VPS26A: variants seen among roughly 807,000 people sequenced by gnomAD.
VPS26A encodes the protein vacuolar protein sorting-associated protein 26A.
In VPS26A, 22 loss-of-function variants were observed where a neutral mutation model predicts 42.4. The ratio of observed to expected loss-of-function variants is 0.52; its 90% CI spans 0.37 to 0.74. VPS26A has a LOEUF of 0.74. VPS26A is among the 30% of genes least tolerant of loss of function. The pLI is 0.00. For synonymous variants in VPS26A, 110 were observed against 123.5 expected (o/e 0.89, Z 0.73); for missense variants, 276 against 379.2 (o/e 0.73, Z 2.26).
chr10:69,150,689 G>A (rs1028770149), intron 2 of VPS26A, among the ~76,000 whole-genome samples: 14 of 152,154 alleles, frequency 9.2e-5, no homozygotes, highest in Non-Finnish European at 1.5e-4. Context: ...GAGCCACCGC[G>A]CCCGGCAGAG....
intron 2 of VPS26A, among the ~76,000 whole-genome samples, chr10:69,151,282 A>AAAAAAAAAAAAAAAAAAAAAAAAAAAAAC (rs71035063): frequency 7.3e-6 from 1 of 136,776 alleles, no homozygotes; most frequent in African/African-American, 3.3e-5. Context: ...AAAAAAAAAA[A>AAAAAAAAAAAAAAAAAAAAAAAAAAAAAC]ACACACACAC....
intron 7 of VPS26A, 87 bp downstream of exon 7, chr10:69,166,197 A>G: frequency 1.6e-6 from 2 of 1,239,670 alleles, no homozygotes; most frequent in Non-Finnish European, 2.3e-6. Flanking sequence ...GTGTGAAAGT[A>G]TCTTTGAATT....
intron 2 of VPS26A, among the ~76,000 whole-genome samples, chr10:69,140,241 A>AT (rs1167071425): frequency 5.4e-4 from 82 of 152,064 alleles, no homozygotes; most frequent in African/African-American, 1.8e-3. Context: ...CTAATTAAAA[A>AT]ATATATATTT....
chr10:69,157,724 GAACTGGGTTTGAC>G (rs901053297), intron 4 of VPS26A, among the ~76,000 whole-genome samples: 7 of 152,144 alleles, frequency 4.6e-5, no homozygotes, highest in Non-Finnish European at 1.0e-4. Context: ...TATCTATCTG[GAACTGGGTTTGAC>G]AACCCAAATT....
intron 2 of VPS26A, among the ~76,000 whole-genome samples, chr10:69,143,177 G>A (rs1044582253): frequency 6.6e-6 from 1 of 152,180 alleles, no homozygotes; most frequent in African/African-American, 2.4e-5. Flanking sequence ...CACCAATCTA[G>A]GGTTTGTGAA....
chr10:69,169,040 T>C (rs1841756050), intron 8 of VPS26A, among the ~76,000 whole-genome samples: 1 of 151,872 alleles, frequency 6.6e-6, no homozygotes, highest in Non-Finnish European at 1.5e-5. Flanking sequence ...TTTTTTTTTT[T>C]TCTTACTGTT....
rs1463364065 is a variant in VPS26A at position 69,174,287 on chromosome 10, A to C, written c.*3018A>C. 6.6e-6 allele frequency among the ~76,000 whole-genome samples: 1 copy of C among 152,224 alleles called. No individual in the cohort carries two copies. The highest frequency in any genetic ancestry group is 1.5e-5 in the Non-Finnish European group (1 of 68,040). On this transcript the variant is annotated 3_prime_UTR_variant, in exon 9 of 9. Coordinates refer to ENST00000263559, the MANE Select transcript of VPS26A (RefSeq NM_004896.5). ...GACACACCTTGAGTACACGAATTTG[A>C]AATTACACTGAGGTGATCATGCCAC...
At position 69,171,326 on chromosome 10, in the gene VPS26A, TC is replaced by T. The variant is rs1363327528; in HGVS notation, c.*58del. ...ACTCCTGTAACCCTTGAGATTAAGT[TC>T]AGCAGGTTAAAGATGGTTGCAGCTG... On this transcript the variant is annotated 3_prime_UTR_variant, in exon 9 of 9. Coordinates refer to ENST00000263559, the MANE Select transcript of VPS26A (RefSeq NM_004896.5). 6.5e-7 allele frequency: 1 copy of T among 1,526,748 alleles called. No homozygotes were observed. Among genetic ancestry groups the T allele is most frequent in the Non-Finnish European group, 8.9e-7 (1 of 1,119,700 alleles). The allele number at this position is 1,526,748 out of a possible 1,614,324, so 94.6% of individuals were successfully genotyped here.
At chr10:69,138,848 C>A (rs1033916832) in intron 2 of VPS26A, among the ~76,000 whole-genome samples, 1 of 152,118 alleles carries the variant, frequency 6.6e-6, no homozygotes, top group South Asian at 2.1e-4. Flanking sequence ...TACTCAATAT[C>A]TTTACCCCAC....
chr10:69,171,430 T>C lies in VPS26A; in HGVS notation c.*161T>C, dbSNP rs1841813228. ...ACAGCGCAGCATTTATTTTATGATA[T>C]AATGAAATGTTCGTTCATGTATATA... On this transcript the variant is annotated 3_prime_UTR_variant, in exon 9 of 9. Coordinates refer to ENST00000263559, the MANE Select transcript of VPS26A (RefSeq NM_004896.5). 1 of 561,312 alleles carries C rather than the reference T, an allele frequency of 1.8e-6. No homozygotes were observed. The highest frequency in any genetic ancestry group is 3.1e-6 in the Non-Finnish European group (1 of 325,878). The allele number at this position is 561,312 out of a possible 1,614,324, so 34.8% of individuals were successfully genotyped here.
At chr10:69,139,240 C>T (rs923211859) in intron 2 of VPS26A, among the ~76,000 whole-genome samples, 5 of 152,084 alleles carry the variant, frequency 3.3e-5, no homozygotes, top group African/African-American at 9.7e-5. Context: ...GTCCTTTACA[C>T]TTAAAAGTTA....
chr10:69,131,716 G>C (rs1840782874), intron 1 of VPS26A, among the ~76,000 whole-genome samples: 1 of 151,758 alleles, frequency 6.6e-6, no homozygotes, highest in Non-Finnish European at 1.5e-5. Context: ...CTGGGCAACA[G>C]AGCAAGACTC....
chr10:69,146,039 C>T (rs567414438), intron 2 of VPS26A, among the ~76,000 whole-genome samples: 7 of 152,216 alleles, frequency 4.6e-5, no homozygotes, highest in Middle Eastern at 3.4e-3. Flanking sequence ...CAAGGTTCAT[C>T]GTGTTGTAGT....
chr10:69,152,287 C>T (rs1185279904), intron 2 of VPS26A, among the ~76,000 whole-genome samples: 1 of 152,188 alleles, frequency 6.6e-6, no homozygotes, highest in Non-Finnish European at 1.5e-5. Flanking sequence ...TCAGAAGTAA[C>T]TGCTGTTAAG....
intron 2 of VPS26A, among the ~76,000 whole-genome samples, chr10:69,138,668 A>G (rs182552911): frequency 1.5e-3 from 235 of 152,260 alleles, no homozygotes; most frequent in African/African-American, 5.2e-3. Flanking sequence ...TTATTTGTGT[A>G]TATTGTTTAA....
At chr10:69,140,825 G>T (rs1172316351) in intron 2 of VPS26A, among the ~76,000 whole-genome samples, 1 of 152,164 alleles carries the variant, frequency 6.6e-6, no homozygotes, top group Non-Finnish European at 1.5e-5. Context: ...CTTATTCTCA[G>T]ATTGACACCA....
At chr10:69,124,366 C>G in intron 1 of VPS26A, 86 bp downstream of exon 1, 6 of 1,211,426 alleles carry the variant, frequency 5.0e-6, no homozygotes, top group Non-Finnish European at 6.2e-6. Flanking sequence ...CGGGCGTCGC[C>G]GGAGGAGGGG....
intron 5 of VPS26A, among the ~76,000 whole-genome samples, chr10:69,160,325 A>C (rs1841527800): frequency 6.6e-6 from 1 of 150,976 alleles, no homozygotes; most frequent in Non-Finnish European, 1.5e-5. Flanking sequence ...ATGCCTGGCT[A>C]ATTTTTGTAT....
chr10:69,133,366 G>T (rs981083297), intron 2 of VPS26A, among the ~76,000 whole-genome samples: 34 of 152,114 alleles, frequency 2.2e-4, no homozygotes, highest in African/African-American at 7.2e-4. Flanking sequence ...GTTTCAGACA[G>T]TTTCTTCAGA....
Sources: allele counts gnomAD v4.1 joint callset (sites outside exome capture counted in the v4.1 genomes callset), GRCh38; gene constraint gnomAD v4.1.1; transcripts MANE v1.5; gene names NCBI Gene and HGNC (gene_info 2026-07-23, HGNC 2026-07-21).